USH2A: variants seen among roughly 807,000 people sequenced by gnomAD.
The protein encoded by USH2A is usherin.
USH2A carries 443 observed loss-of-function variants against 538.9 expected under a neutral mutation model. That is an observed-to-expected ratio of 0.82 (90% CI 0.76 to 0.89). The LOEUF is 0.89. Ranked by LOEUF, USH2A falls within the 40% of genes least tolerant of loss-of-function variation. The pLI is 0.00. For missense variants in USH2A, 6,633 were observed against 6,324.8 expected, an observed-to-expected ratio of 1.05 and a Z score of -1.65; for synonymous variants, 2,413 against 2,273.5, an observed-to-expected ratio of 1.06 and a Z score of -1.75.
Position 215,758,679 on chromosome 1 carries a change from T to G in USH2A, c.11305A>C (p.Met3769Leu). 6.2e-7 allele frequency: 1 copy of G among 1,613,962 alleles called. No homozygotes were observed. The highest frequency in any genetic ancestry group is 1.1e-5 in the South Asian group (1 of 91,086). Residue 3769 changes from methionine (M) to leucine (L), a missense_variant, in exon 58 of 72, where the codon ATG (methionine) becomes CTG (leucine). Physicochemically the swap from Met to Leu is conservative, Grantham distance 15. Transcript: ENST00000307340. Reference protein sequence around the residue: ...ASDDYIVQTPMSTPEEIYPPY... With the variant: ...ASDDYIVQTPLSTPEEIYPPY... ...GGATAGATTTCTTCTGGTGTTGACA[T>G]AGGTGTTTGAACAATGTAATCATCA... is the stretch of plus-strand genomic sequence containing the variant.
chr1:215,943,157 T>C (rs1213156965), intron 37 of USH2A, among the ~76,000 whole-genome samples: 1 of 151,876 alleles, frequency 6.6e-6, no homozygotes, highest in East Asian at 1.9e-4. Flanking sequence ...ATAAGCAAGA[T>C]GAAGTTGAAG....
intron 3 of USH2A, among the ~76,000 whole-genome samples, chr1:216,390,192 G>A (rs540108524): frequency 3.9e-5 from 6 of 152,238 alleles, no homozygotes; most frequent in South Asian, 4.1e-4. Flanking sequence ...TGAGGAAAAC[G>A]TGTTTGCTTT....
chr1:216,402,447 T>C (rs1357145508), intron 3 of USH2A, among the ~76,000 whole-genome samples: 2 of 152,092 alleles, frequency 1.3e-5, no homozygotes, highest in African/African-American at 4.8e-5. Flanking sequence ...TTCACTTATA[T>C]ACAAATTTTC....
At chr1:215,870,855 A>G (rs1306212158) in intron 43 of USH2A, among the ~76,000 whole-genome samples, 1 of 152,170 alleles carries the variant, frequency 6.6e-6, no homozygotes, top group Non-Finnish European at 1.5e-5. Flanking sequence ...CATTTAATAA[A>G]TGATAAAAGA....
At chr1:216,247,354 C>T (rs2036072944) in intron 12 of USH2A, 128 bp from the exon 13 acceptor site, 1 of 1,095,172 alleles carries the variant, frequency 9.1e-7, no homozygotes, top group Non-Finnish European at 1.3e-6. Context: ...CAAGCAATGC[C>T]ATAGGGGGCC....
At chr1:215,831,040 T>C (rs953895998) in intron 47 of USH2A, among the ~76,000 whole-genome samples, 1 of 152,132 alleles carries the variant, frequency 6.6e-6, no homozygotes, top group Non-Finnish European at 1.5e-5. Context: ...AGAATTACAC[T>C]AAGCAATTGA....
intron 21 of USH2A, among the ~76,000 whole-genome samples, chr1:216,148,492 C>T (rs1236633020): frequency 6.6e-6 from 1 of 152,084 alleles, no homozygotes; most frequent in African/African-American, 2.4e-5. Flanking sequence ...CACCCCTTAC[C>T]ATCTCATTAA....
At chr1:215,956,298 C>A (rs1407682367) in intron 37 of USH2A, among the ~76,000 whole-genome samples, 1 of 152,174 alleles carries the variant, frequency 6.6e-6, no homozygotes, top group Non-Finnish European at 1.5e-5. Context: ...GCTGGCTTAT[C>A]CAGTTGAACT....
chr1:215,853,494 C>T (rs1346873609), intron 44 of USH2A, among the ~76,000 whole-genome samples: 2 of 152,212 alleles, frequency 1.3e-5, no homozygotes, highest in Non-Finnish European at 2.9e-5. Flanking sequence ...CTCCTCATTA[C>T]TTAGGTAAAT....
intron 61 of USH2A, among the ~76,000 whole-genome samples, chr1:215,710,419 C>A: frequency 6.6e-6 from 1 of 152,254 alleles, no homozygotes; most frequent in East Asian, 1.9e-4. Context: ...ATGGCTACTT[C>A]CACACTTGCA....
rs1328941991 is a variant in USH2A, at chr1:216,218,161, G to A, written c.2994-611C>T. On this transcript the variant is annotated intron_variant, in intron 14 of 71. Coordinates refer to ENST00000307340, the MANE Select transcript of USH2A (RefSeq NM_206933.4). ...TGAACTAAACTTAGTTATCCATAATGGTTGGAGAATACAGCATTATTCTGA... is the reference window on the plus strand; with the variant it reads ...TGAACTAAACTTAGTTATCCATAATAGTTGGAGAATACAGCATTATTCTGA... 2.0e-5 allele frequency among the ~76,000 whole-genome samples: 3 copies of A among 152,028 alleles called. 1 individual carries two copies. Among genetic ancestry groups the A allele is most frequent in the South Asian group, 4.1e-4 (2 of 4,824 alleles).
intron 67 of USH2A, among the ~76,000 whole-genome samples, chr1:215,645,821 T>A (rs1223195771): frequency 6.6e-6 from 1 of 152,164 alleles, no homozygotes; most frequent in African/African-American, 2.4e-5. Context: ...ACTTGATGTA[T>A]TAATAGCAAA....
At chr1:216,196,995 G>A (rs1045968204) in intron 18 of USH2A, among the ~76,000 whole-genome samples, 33 of 152,102 alleles carry the variant, frequency 2.2e-4, no homozygotes, top group Non-Finnish European at 7.4e-5. Flanking sequence ...CATAAAGATA[G>A]GAAAGTGGAT....
In USH2A at chr1:215,782,192, A is replaced by G. The variant is rs1466872863; in HGVS notation, c.10590T>C (p.Pro3530=). 2.5e-6 allele frequency: 4 copies of G among 1,613,770 alleles called. No individual in the cohort carries two copies. Among genetic ancestry groups the G allele is most frequent in the Non-Finnish European group, 3.4e-6 (4 of 1,179,758 alleles). Residue 3530 remains proline, a synonymous_variant, in exon 54 of 72, where the codon CCT becomes CCC. Transcript: ENST00000307340. ...NWRKPIQSNG[P]IIYYILLRNG... ...TTCGAAGAAGGATGTAGTAAATAAT[A>G]GGACCTAAAAGAAGCAGAAAAATGA...
intron 4 of USH2A, among the ~76,000 whole-genome samples, chr1:216,348,659 G>T (rs980071182): frequency 6.6e-5 from 10 of 152,058 alleles, no homozygotes; most frequent in Non-Finnish European, 1.5e-4. Context: ...TAAGACTAAA[G>T]CTCATTTTTG....
intron 47 of USH2A, among the ~76,000 whole-genome samples, chr1:215,835,068 CTATAATTTTTTT>C (rs2102812779): frequency 7.0e-6 from 1 of 141,854 alleles, no homozygotes; most frequent in East Asian, 2.1e-4. Context: ...CTGTCTGAGG[CTATAATTTTTTT>C]TCCTCACCTG....
chr1:215,958,490 T>C (rs998408841), intron 37 of USH2A, among the ~76,000 whole-genome samples: 1 of 152,164 alleles, frequency 6.6e-6, no homozygotes, highest in Admixed American at 6.5e-5. Flanking sequence ...TGTTTTTAGA[T>C]GGGGATTTAT....
chr1:216,067,496 GAA>G (rs368313875), intron 30 of USH2A, among the ~76,000 whole-genome samples: 5 of 124,094 alleles, frequency 4.0e-5, no homozygotes, highest in African/African-American at 5.9e-5. Context: ...GCCAGGGAGA[GAA>G]AAAAAAAAAA....
intron 3 of USH2A, among the ~76,000 whole-genome samples, chr1:216,370,820 AT>A (rs1286224928): frequency 6.6e-6 from 1 of 152,112 alleles, no homozygotes; most frequent in Admixed American, 6.6e-5. Context: ...TGTCAAATCC[AT>A]CCATTTAGCA....
Sources: gnomAD v4.1 joint callset for allele counts (sites outside exome capture counted in the v4.1 genomes callset) on GRCh38, gnomAD v4.1.1 for gene constraint, MANE v1.5 for transcripts, NCBI Gene and HGNC (gene_info 2026-07-23, HGNC 2026-07-21) for gene names.